Variants in DCDC1 observed in about 807,000 individuals in gnomAD.
The protein encoded by DCDC1 is doublecortin domain-containing protein 1.
In DCDC1, 200 loss-of-function variants were observed where a neutral mutation model predicts 178.3. That is an observed-to-expected ratio of 1.12 (90% confidence interval 1.00 to 1.26). DCDC1 has a LOEUF of 1.26. Ranked by LOEUF, DCDC1 falls within the 50% of genes most tolerant of loss-of-function variation. The pLI is 0.00. For synonymous variants in DCDC1, 690 were observed against 604.8 expected, an observed-to-expected ratio of 1.14 and a Z score of -2.07; for missense variants, 1,983 against 1,749.2, an observed-to-expected ratio of 1.13 and a Z score of -2.38.
chr11:31,040,467 T>A (rs1174384617), intron 20 of DCDC1, among the ~76,000 whole-genome samples: 1 of 152,138 alleles, frequency 6.6e-6, no homozygotes, highest in Non-Finnish European at 1.5e-5. Context: ...GCTGTTATAG[T>A]TAAAAGAAGA....
intron 18 of DCDC1, among the ~76,000 whole-genome samples, chr11:31,069,563 T>C (rs1002335136): frequency 6.6e-6 from 1 of 152,120 alleles, no homozygotes; most frequent in Non-Finnish European, 1.5e-5. Flanking sequence ...ATACCAAATA[T>C]GTTCCACAGT....
At chr11:31,177,547 G>C (rs890405824) in intron 9 of DCDC1, among the ~76,000 whole-genome samples, 1 of 152,058 alleles carries the variant, frequency 6.6e-6, no homozygotes, top group Non-Finnish European at 1.5e-5. Context: ...CAATATAAAT[G>C]GATTAAATTC....
intron 1 of DCDC1, among the ~76,000 whole-genome samples, chr11:31,357,422 T>C (rs1402928466): frequency 6.7e-6 from 1 of 150,208 alleles, no homozygotes; most frequent in African/African-American, 2.5e-5. Flanking sequence ...AAATTAGGTA[T>C]TGATGGGACG....
chr11:31,300,419 T>C (rs919942901), intron 6 of DCDC1, among the ~76,000 whole-genome samples: 1 of 152,172 alleles, frequency 6.6e-6, no homozygotes, highest in African/African-American at 2.4e-5. Flanking sequence ...CAGGGGCTTA[T>C]AGACACTTAA....
chr11:31,158,380 G>A (rs1009489816), intron 9 of DCDC1, among the ~76,000 whole-genome samples: 21 of 152,026 alleles, frequency 1.4e-4, no homozygotes, highest in Admixed American at 3.9e-4. Flanking sequence ...GCCTCCCAAA[G>A]TGCTGGGATT....
At chr11:30,886,592 C>T (rs1943191564) in intron 36 of DCDC1, among the ~76,000 whole-genome samples, 1 of 152,148 alleles carries the variant, frequency 6.6e-6, no homozygotes, top group African/African-American at 2.4e-5. Context: ...CTCTCTCTTC[C>T]TCTTCTTATA....
chr11:31,199,510 G>A (rs1484021556), intron 9 of DCDC1, among the ~76,000 whole-genome samples: 2 of 152,074 alleles, frequency 1.3e-5, no homozygotes, highest in African/African-American at 4.8e-5. Flanking sequence ...AAGGCATCGA[G>A]ACTGTCACAT....
rs760173970 is a variant in DCDC1, at chr11:31,110,331, T to A, written c.1516A>T (p.Ile506Phe). The A allele has an allele frequency of 1.4e-6, 1 of 706,664 alleles. No homozygotes were observed. Among genetic ancestry groups the A allele is most frequent in the South Asian group, 1.5e-5 (1 of 67,764 alleles). 43.8% of individuals were successfully genotyped at this position (706,664 alleles called of 1,614,324 possible). A position where few individuals can be genotyped will look rare whatever the true frequency, so the allele number is the denominator to read the frequency against. Residue 506 changes from isoleucine (I) to phenylalanine (F), a missense_variant, in exon 12 of 39, where the codon ATC (isoleucine) becomes TTC (phenylalanine). Coordinates refer to ENST00000684477, the MANE Select transcript of DCDC1 (RefSeq NM_001387274.1). Reference protein sequence around the residue: ...VFENGKNTGEISVGISKKDLG... With the variant: ...VFENGKNTGEFSVGISKKDLG... The stretch of plus-strand genomic sequence containing the variant: ...TCTTTTTTACTGATACCAACAGAGA[T>A]CTCTCCAGTGTTTTTACCATTTTCA...
chr11:31,172,981 A>T (rs890919666), intron 9 of DCDC1, among the ~76,000 whole-genome samples: 1 of 152,212 alleles, frequency 6.6e-6, no homozygotes, highest in Non-Finnish European at 1.5e-5. Flanking sequence ...TGCACATATA[A>T]ATAGATTCAT....
At chr11:30,921,514 C>T (rs779259438) in intron 24 of DCDC1, among the ~76,000 whole-genome samples, 29 of 152,116 alleles carry the variant, frequency 1.9e-4, no homozygotes, top group African/African-American at 6.5e-4. Context: ...TGCCATCGAA[C>T]GTGGAAGTCA....
chr11:31,332,747 T>C (rs182730495), intron 2 of DCDC1, among the ~76,000 whole-genome samples: 9 of 152,348 alleles, frequency 5.9e-5, no homozygotes, highest in Admixed American at 3.9e-4. Context: ...TGAGAGACAG[T>C]TCGTTGTGAT....
In DCDC1 at chr11:31,110,430, C is replaced by G. The variant is rs528234547; in HGVS notation, c.1486-69G>C. 205 of 617,172 alleles carry G rather than the reference C, an allele frequency of 3.3e-4. 6 individuals are homozygous for G. In the South Asian group the frequency reaches 3.8e-3, roughly 11 times the overall value. 38.2% of individuals were successfully genotyped at this position (617,172 alleles called of 1,614,324 possible). On this transcript the variant is annotated intron_variant, in intron 11 of 38. Transcript: ENST00000684477. Reference sequence around the variant, plus strand: ...ACATACATACATATATTCATACATACTTAGATAAATTTAGGCAGTCATCCT... The same window carrying G: ...ACATACATACATATATTCATACATAGTTAGATAAATTTAGGCAGTCATCCT...
At chr11:31,092,454 T>C (rs1243778759) in intron 16 of DCDC1, among the ~76,000 whole-genome samples, 1 of 152,216 alleles carries the variant, frequency 6.6e-6, no homozygotes, top group Non-Finnish European at 1.5e-5. Flanking sequence ...GACACCATGC[T>C]TGAACATCAC....
At chr11:31,213,531 C>G (rs1038086040) in intron 9 of DCDC1, among the ~76,000 whole-genome samples, 1 of 151,852 alleles carries the variant, frequency 6.6e-6, no homozygotes, top group South Asian at 2.1e-4. Flanking sequence ...ACCAGCCTGA[C>G]CAACATGGTG....
At chr11:31,192,250 T>C (rs995818385) in intron 9 of DCDC1, among the ~76,000 whole-genome samples, 2 of 152,102 alleles carry the variant, frequency 1.3e-5, no homozygotes, top group Admixed American at 6.6e-5. Flanking sequence ...TCCACTCCTG[T>C]ATTGACAACT....
intron 7 of DCDC1, among the ~76,000 whole-genome samples, chr11:31,283,324 G>A (rs950714470): frequency 6.6e-6 from 1 of 151,458 alleles, no homozygotes; most frequent in Non-Finnish European, 1.5e-5. Flanking sequence ...GAAGTTCACG[G>A]ATCTTTTCTT....
intron 6 of DCDC1, among the ~76,000 whole-genome samples, chr11:31,295,732 G>C (rs1337540307): frequency 6.6e-6 from 1 of 152,146 alleles, no homozygotes; most frequent in Non-Finnish European, 1.5e-5. Context: ...GTTCAACTGA[G>C]AGTATTCCCT....
At chr11:30,884,033 A>ATTTTTTTTTTTTTTGTTTTTT (rs1942942522) in intron 36 of DCDC1, among the ~76,000 whole-genome samples, 1 of 95,784 alleles carries the variant, frequency 1.0e-5, no homozygotes, top group Non-Finnish European at 2.0e-5. Context: ...ATTCTTTCTC[A>ATTTTTTTTTTTTTTGTTTTTT]TTTTTTTTTT....
In DCDC1 at chr11:31,082,305, T is replaced by G. The variant is rs557851949; in HGVS notation, c.2238-4380A>C. Among the ~76,000 whole-genome samples, 121 of 152,202 alleles carry G rather than the reference T, an allele frequency of 7.9e-4. 2 individuals are homozygous for G. Among genetic ancestry groups the G allele is most frequent in the Admixed American group, 6.1e-3 (93 of 15,286 alleles). The stretch of plus-strand genomic sequence containing the variant: ...TGGCCTTGCAATTTTTTTTTAATAA[T>G]GATGATACTCTTATCACAACTGCCA... On this transcript the variant is annotated intron_variant, in intron 17 of 38. Transcript: ENST00000684477.
Sources: gnomAD v4.1 joint callset for allele counts (sites outside exome capture counted in the v4.1 genomes callset) on GRCh38, gnomAD v4.1.1 for gene constraint, MANE v1.5 for transcripts, NCBI Gene and HGNC (gene_info 2026-07-23, HGNC 2026-07-21) for gene names.